The following HAVCR2 variants were observed in gnomAD, a reference collection of about 807,000 sequenced individuals.
HAVCR2 encodes the protein hepatitis A virus cellular receptor 2.
Under a neutral mutation model 24.7 loss-of-function variants are expected in HAVCR2, and 13 were observed. The observed-to-expected ratio is 0.53, with a 90% CI of 0.34 to 0.84. The LOEUF (loss-of-function observed/expected upper bound fraction) is 0.84, where lower values mean the gene tolerates loss of function less well. Among genes scored for constraint, HAVCR2 ranks in the 40% least tolerant of loss-of-function variants. The probability of loss-of-function intolerance (pLI) is 0.01; values close to 1 mark genes in which losing one functional copy is unlikely to be tolerated. For missense variants in HAVCR2, 343 were observed against 371.2 expected (o/e 0.92, Z 0.62); for synonymous variants, 154 against 143.4 (o/e 1.07, Z -0.53).
chr5:157,096,794 T>C (rs922139679), intron 4 of HAVCR2, among the ~76,000 whole-genome samples: 1 of 151,320 alleles, frequency 6.6e-6, no homozygotes. Flanking sequence ...AAATAATAAA[T>C]TAATAAATAA....
intron 4 of HAVCR2, among the ~76,000 whole-genome samples, chr5:157,096,036 G>A (rs1345485323): frequency 3.3e-5 from 5 of 151,910 alleles, no homozygotes; most frequent in Non-Finnish European, 7.4e-5. Context: ...GACCAGCCTG[G>A]ACAACATGGT....
At chr5:157,094,547 C>T (rs1429993390) in intron 5 of HAVCR2, among the ~76,000 whole-genome samples, 1 of 151,844 alleles carries the variant, frequency 6.6e-6, no homozygotes, top group East Asian at 1.9e-4. Flanking sequence ...CCACACCCGG[C>T]TAATTTTGTA....
chr5:157,106,889 G>C lies in HAVCR2; in HGVS notation c.132C>G (p.Ala44=), dbSNP rs762287960. ...AYLPCFYTPA[A]PGNLVPVCWG... ...AGCAGACGGGCACGAGGTTCCCTGG[G>C]GCGGCTGGGGTGTAGAAGCAGGGCA... The change falls in exon 2 of 7, where the codon GCC becomes GCG. Residue 44 remains alanine (A), a synonymous_variant. Transcript: ENST00000307851. 6.2e-7 allele frequency: 1 copy of C among 1,614,066 alleles called. No individual in the cohort carries two copies. The highest frequency in any genetic ancestry group is 8.5e-7 in the Non-Finnish European group (1 of 1,180,026).
intron 5 of HAVCR2, among the ~76,000 whole-genome samples, chr5:157,091,000 T>C (rs1232715356): frequency 6.6e-6 from 1 of 152,090 alleles, no homozygotes; most frequent in Non-Finnish European, 1.5e-5. Flanking sequence ...TGCACCACCA[T>C]ACCCAGCCCT....
chr5:157,102,032 G>A (rs115415838), intron 3 of HAVCR2, among the ~76,000 whole-genome samples: 1,529 of 144,120 alleles, frequency 0.011, 29 homozygotes, highest in African/African-American at 0.038. Context: ...CTCCTCCCAG[G>A]CTCAGACAAT....
intron 3 of HAVCR2, among the ~76,000 whole-genome samples, chr5:157,102,890 G>A (rs765185634): frequency 1.4e-5 from 2 of 145,954 alleles, no homozygotes; most frequent in East Asian, 4.1e-4. Flanking sequence ...AGCCAAGATC[G>A]TGTCATTGCA....
intron 1 of HAVCR2, among the ~76,000 whole-genome samples, chr5:157,108,415 C>T (rs1757282609): frequency 6.6e-6 from 1 of 151,378 alleles, no homozygotes; most frequent in East Asian, 1.9e-4. Context: ...ACCTGGGAGG[C>T]GGAGATTGCA....
At chr5:157,108,688 T>C (rs1349773637) in intron 1 of HAVCR2, among the ~76,000 whole-genome samples, 4 of 152,176 alleles carry the variant, frequency 2.6e-5, no homozygotes, top group African/African-American at 4.8e-5. Context: ...ATTCTGCAAC[T>C]TTTTTTCTTT....
At chr5:157,095,126 C>T (rs1757075595) in intron 5 of HAVCR2, among the ~76,000 whole-genome samples, 180 bp downstream of exon 5, 1 of 152,008 alleles carries the variant, frequency 6.6e-6, no homozygotes, top group Non-Finnish European at 1.5e-5. Context: ...GCAGTGGCTG[C>T]CTGACACACA....
chr5:157,091,988 G>C (rs563060401), intron 5 of HAVCR2, among the ~76,000 whole-genome samples: 1 of 152,182 alleles, frequency 6.6e-6, no homozygotes, highest in South Asian at 2.1e-4. Context: ...GATTGGAAAT[G>C]AAACAGGCCT....
intron 2 of HAVCR2, chr5:157,106,134 CTTT>C: frequency 1.4e-5 from 2 of 141,038 alleles, no homozygotes; most frequent in Non-Finnish European, 3.1e-5. Flanking sequence ...CTTTTCTTTT[CTTT>C]TTTTTTTTTT....
In HAVCR2 at chr5:157,108,997, GAA is replaced by G; in HGVS notation, c.-16_-15del. The G allele has an allele frequency of 6.2e-7, 1 of 1,613,938 alleles. No individual in the cohort carries two copies. The highest frequency in any genetic ancestry group is 8.5e-7 in the Non-Finnish European group (1 of 1,179,830). Reference sequence around the variant, plus strand: ...ATGTGAAAACATGGAGCTTGCAGAAGAAAAGTCAGAGGACACCTCTGTTAGGC... The same window carrying G: ...ATGTGAAAACATGGAGCTTGCAGAAGAAGTCAGAGGACACCTCTGTTAGGC... On this transcript the variant is annotated 5_prime_UTR_variant, in exon 1 of 7. Transcript: ENST00000307851.
intron 5 of HAVCR2, among the ~76,000 whole-genome samples, chr5:157,094,058 T>TG (rs930196534): frequency 6.6e-6 from 1 of 151,150 alleles, no homozygotes; most frequent in African/African-American, 2.4e-5. Flanking sequence ...TTTTTTTTTT[T>TG]GGAGACTGTC....
At chr5:157,092,902 A>C (rs1397007885) in intron 5 of HAVCR2, among the ~76,000 whole-genome samples, 1 of 100,194 alleles carries the variant, frequency 1.0e-5, no homozygotes, top group Non-Finnish European at 2.0e-5. Context: ...AAAAAAAAAA[A>C]AAAAAAAAAA....
intron 5 of HAVCR2, among the ~76,000 whole-genome samples, chr5:157,091,086 A>G (rs1245101310): frequency 6.6e-6 from 1 of 152,226 alleles, no homozygotes. Flanking sequence ...ATGTCATTTC[A>G]GAAGCCAAGA....
At chr5:157,101,121 A>G (rs180973715) in intron 3 of HAVCR2, among the ~76,000 whole-genome samples, 1 of 152,302 alleles carries the variant, frequency 6.6e-6, no homozygotes, top group East Asian at 1.9e-4. Flanking sequence ...GACCCTCATC[A>G]GTACAACTGC....
intron 5 of HAVCR2, 108 bp downstream of exon 5, chr5:157,095,198 G>T: frequency 2.6e-6 from 3 of 1,175,336 alleles, no homozygotes; most frequent in Non-Finnish European, 3.6e-6. Flanking sequence ...AGGGTATTTA[G>T]TCTAATCATC....
In HAVCR2 at chr5:157,095,324, C is replaced by T. The variant is rs541982134; in HGVS notation, c.658G>A (p.Gly220Ser). The change falls in exon 5 of 7, where the codon GGC becomes AGC. Residue 220 changes from glycine to serine, a missense_variant. Physicochemically the swap from Gly to Ser is moderately conservative, Grantham distance 56. Transcript: ENST00000307851. ...CACTTACATTTGAAAATTAAAGCGC[C>T]GAAGATAAGAGCCAGAGCCAGCCCA... ...CAGLALALIF[G>S]ALIFKWYSHS... 3.3e-4 allele frequency: 531 copies of T among 1,613,490 alleles called. 5 individuals are homozygous for T. The South Asian group carries it at 5.3e-3, about 16-fold the overall frequency.
At position 157,095,473 on chromosome 5, in the gene HAVCR2, A is replaced by C; in HGVS notation, c.523-14T>G. ...TGTGGATATTTGCTATGGAAACACA[A>C]ACAGGATTTAAGCAGAAAACAGCTA... On this transcript the variant is annotated splice_polypyrimidine_tract_variant and intron_variant, in intron 4 of 6. Coordinates refer to ENST00000307851, the MANE Select transcript of HAVCR2 (RefSeq NM_032782.5). 6.2e-7 allele frequency: 1 copy of C among 1,613,894 alleles called. No individual in the cohort carries two copies. The highest frequency in any genetic ancestry group is 1.7e-4 in the Middle Eastern group (1 of 6,060).
Sources: allele counts gnomAD v4.1 joint callset (sites outside exome capture counted in the v4.1 genomes callset), GRCh38; gene constraint gnomAD v4.1.1; transcripts MANE v1.5; gene names NCBI Gene and HGNC (gene_info 2026-07-23, HGNC 2026-07-21).